Variants in ZC3H12C observed in about 807,000 individuals in gnomAD.
The protein encoded by ZC3H12C is probable ribonuclease ZC3H12C.
A neutral mutation model predicts 76.3 loss-of-function variants in ZC3H12C; 20 were observed. The observed-to-expected ratio is 0.26, with a 90% CI of 0.18 to 0.38. The LOEUF (loss-of-function observed/expected upper bound fraction) is 0.38, where lower values mean the gene tolerates loss of function less well. Ranked by LOEUF, ZC3H12C falls within the 10% of genes least tolerant of loss-of-function variation. The pLI, the probability that ZC3H12C is intolerant of heterozygous loss-of-function variation, is 1.00. For synonymous variants in ZC3H12C, 352 were observed against 399.6 expected, an observed-to-expected ratio of 0.88 and a Z score of 1.42; for missense variants, 874 against 1,086.5, an observed-to-expected ratio of 0.80 and a Z score of 2.75.
chr11:110,163,182 C>T, intron 4 of ZC3H12C, 91 bp from the exon 5 acceptor site: 2 of 1,125,142 alleles, frequency 1.8e-6, no homozygotes, highest in Admixed American at 3.0e-5. Flanking sequence ...AAAAAAAATT[C>T]CTTATAGAGG....
chr11:110,134,856 A>G (rs682668), intron 1 of ZC3H12C, among the ~76,000 whole-genome samples: 72,997 of 151,854 alleles, frequency 0.48, 17,848 homozygotes, highest in East Asian at 0.71. Context: ...TCTACACTGA[A>G]GGAATGTTAA....
chr11:110,165,268 C>T lies in ZC3H12C; in HGVS notation c.2183C>T (p.Pro728Leu), dbSNP rs1244021943. The change falls in exon 6 of 6, where the codon CCT becomes CTT. Residue 728 changes from proline (P) to leucine (L), a missense_variant. Pro to Leu is a moderately conservative substitution (Grantham distance 98). Around this residue, in one of 3 missense-constraint regions of ZC3H12C, gnomAD observed 395 missense variants for 434.4 expected, o/e 0.91. Coordinates refer to ENST00000278590, the MANE Select transcript of ZC3H12C (RefSeq NM_033390.2). ...RSSCPGDYPS[P>L]PSSAHSKAPH... Reference sequence around the variant, plus strand: ...AGCTGTCCTGGCGACTACCCCTCTCCTCCAAGTTCAGCACACTCTAAGGCA... The same window carrying T: ...AGCTGTCCTGGCGACTACCCCTCTCTTCCAAGTTCAGCACACTCTAAGGCA... The T allele has an allele frequency of 2.5e-6, 4 of 1,613,922 alleles. No individual in the cohort carries two copies. The highest frequency in any genetic ancestry group is 3.4e-6 in the Non-Finnish European group (4 of 1,179,902).
intron 1 of ZC3H12C, among the ~76,000 whole-genome samples, chr11:110,113,249 T>C (rs1279469905): frequency 6.6e-6 from 1 of 152,222 alleles, no homozygotes; most frequent in Non-Finnish European, 1.5e-5. Context: ...ATCTTTTTTT[T>C]CTACAACCTC....
In ZC3H12C at chr11:110,165,672, C is replaced by G; in HGVS notation, c.2587C>G (p.His863Asp). Reference sequence around the variant, plus strand: ...GAGAATTGTCATGAAAAGGAATCCTCACATGACAGACGCCCAGCAGCTCGC... The same window carrying G: ...GAGAATTGTCATGAAAAGGAATCCTGACATGACAGACGCCCAGCAGCTCGC... ...LVRIVMKRNP[H>D]MTDAQQLAAA... Residue 863 changes from histidine (H) to aspartate (D), a missense_variant, in exon 6 of 6, where the codon CAC becomes GAC. Coordinates refer to ENST00000278590, the MANE Select transcript of ZC3H12C (RefSeq NM_033390.2). The G allele has an allele frequency of 6.3e-7, 1 of 1,598,056 alleles. No homozygotes were observed. The highest frequency in any genetic ancestry group is 1.1e-5 in the South Asian group (1 of 88,146).
intron 1 of ZC3H12C, among the ~76,000 whole-genome samples, chr11:110,093,761 T>C (rs1307824322): frequency 6.6e-6 from 1 of 151,944 alleles, no homozygotes; most frequent in Non-Finnish European, 1.5e-5. Context: ...CCCGGGGGCA[T>C]AGATCGCGAA....
At chr11:110,107,844 G>T (rs991380551) in intron 1 of ZC3H12C, among the ~76,000 whole-genome samples, 1 of 151,656 alleles carries the variant, frequency 6.6e-6, no homozygotes, top group Non-Finnish European at 1.5e-5. Context: ...TCCATTTTTT[G>T]TAGAGACAAG....
At chr11:110,160,922 C>T (rs1862468138) in intron 4 of ZC3H12C, among the ~76,000 whole-genome samples, 2 of 152,194 alleles carry the variant, frequency 1.3e-5, no homozygotes, top group East Asian at 3.9e-4. Context: ...CTGCAACCTC[C>T]GTCTCCCAGG....
chr11:110,103,104 TC>T (rs1463023512), intron 1 of ZC3H12C, among the ~76,000 whole-genome samples: 1 of 152,190 alleles, frequency 6.6e-6, no homozygotes, highest in Non-Finnish European at 1.5e-5. Context: ...CCACAATATT[TC>T]CAAGGTATGC....
At position 110,166,154 on chromosome 11, in the gene ZC3H12C, G is replaced by C. The variant is rs1037100651; in HGVS notation, c.*417G>C. ...CTTCAGAATGTGGGACATTTGACTAGACCTAGCAAACTGTTTTTTCGAGCC... is the reference window on the plus strand; with the variant it reads ...CTTCAGAATGTGGGACATTTGACTACACCTAGCAAACTGTTTTTTCGAGCC... On this transcript the variant is annotated 3_prime_UTR_variant, in exon 6 of 6. Coordinates refer to ENST00000278590, the MANE Select transcript of ZC3H12C (RefSeq NM_033390.2). The C allele has an allele frequency of 1.3e-5, 2 of 159,104 alleles. No individual in the cohort carries two copies. Among genetic ancestry groups the C allele is most frequent in the Admixed American group, 6.1e-5 (1 of 16,268 alleles). 9.9% of individuals were successfully genotyped at this position (159,104 alleles called of 1,614,324 possible).
At chr11:110,129,317 CAAT>C (rs1005589114) in intron 1 of ZC3H12C, among the ~76,000 whole-genome samples, 2 of 152,042 alleles carry the variant, frequency 1.3e-5, no homozygotes, top group Admixed American at 6.6e-5. Flanking sequence ...TTTCTGGAAA[CAAT>C]AATAATTTTC....
chr11:110,136,502 G>A (rs1861961171), intron 1 of ZC3H12C, 161 bp from the exon 2 acceptor site: 5 of 699,274 alleles, frequency 7.2e-6, no homozygotes, highest in South Asian at 2.3e-5. Flanking sequence ...TCTGAAAAAT[G>A]GCAGATGATA....
intron 1 of ZC3H12C, chr11:110,135,818 G>T (rs1399090551): frequency 6.6e-6 from 1 of 151,912 alleles, no homozygotes; most frequent in Non-Finnish European, 1.5e-5. Flanking sequence ...ATTGTTTGCT[G>T]CTAATTTTAT....
intron 1 of ZC3H12C, among the ~76,000 whole-genome samples, chr11:110,119,947 TTCAGA>T (rs1288681604): frequency 6.6e-6 from 1 of 152,234 alleles, no homozygotes; most frequent in Non-Finnish European, 1.5e-5. Context: ...GACACCAACA[TTCAGA>T]TCATAGCCCT....
chr11:110,112,589 G>T (rs1424713885), intron 1 of ZC3H12C, among the ~76,000 whole-genome samples: 2 of 152,182 alleles, frequency 1.3e-5, no homozygotes, highest in Non-Finnish European at 2.9e-5. Context: ...CGCTGAGAAG[G>T]GTTAAAGAAG....
At chr11:110,110,876 G>T (rs1008257099) in intron 1 of ZC3H12C, among the ~76,000 whole-genome samples, 5 of 152,180 alleles carry the variant, frequency 3.3e-5, no homozygotes, top group African/African-American at 1.2e-4. Flanking sequence ...TAGCTTCAGA[G>T]TGTAAGTAGT....
In ZC3H12C at chr11:110,171,221, AT is replaced by A. The variant is rs1187998097; in HGVS notation, c.*5486del. The A allele has an allele frequency of 1.3e-5, 2 of 152,200 alleles. No homozygotes were observed. Among genetic ancestry groups the A allele is most frequent in the Admixed American group, 1.3e-4 (2 of 15,268 alleles). The allele number at this position is 152,200 out of a possible 1,614,324, so 9.4% of individuals were successfully genotyped here. On this transcript the variant is annotated 3_prime_UTR_variant, in exon 6 of 6. Coordinates refer to ENST00000278590, the MANE Select transcript of ZC3H12C (RefSeq NM_033390.2). Reference sequence around the variant, plus strand: ...GTTTTTATGAAGAATAGGTGTTCAGATTCCTTCAGTTTTTTTGAAATTAGAA... The same window carrying A: ...GTTTTTATGAAGAATAGGTGTTCAGATCCTTCAGTTTTTTTGAAATTAGAA...
intron 1 of ZC3H12C, among the ~76,000 whole-genome samples, chr11:110,110,601 A>T (rs1022559834): frequency 3.3e-5 from 5 of 152,190 alleles, no homozygotes; most frequent in Non-Finnish European, 7.3e-5. Flanking sequence ...TTGAGAATGG[A>T]GAAGGGTGGC....
At chr11:110,148,571 C>T (rs370313554) in intron 2 of ZC3H12C, among the ~76,000 whole-genome samples, 4 of 152,136 alleles carry the variant, frequency 2.6e-5, no homozygotes, top group African/African-American at 9.7e-5. Flanking sequence ...GACCTAATCA[C>T]GGGTGACCAC....
rs1227880500 is a variant in ZC3H12C at position 110,169,764 on chromosome 11, T to G, written c.*4027T>G. The G allele has an allele frequency of 6.6e-6, 1 of 152,194 alleles. No homozygotes were observed. Among genetic ancestry groups the G allele is most frequent in the Non-Finnish European group, 1.5e-5 (1 of 68,014 alleles). 9.4% of individuals were successfully genotyped at this position (152,194 alleles called of 1,614,324 possible). A position where few individuals can be genotyped will look rare whatever the true frequency, so the allele number is the denominator to read the frequency against. ...TAGTGTTAATAAAAGTAAAGAAACATACACTATCTTAGCCCCCTAGGGCAG... is the reference window on the plus strand; with the variant it reads ...TAGTGTTAATAAAAGTAAAGAAACAGACACTATCTTAGCCCCCTAGGGCAG... On this transcript the variant is annotated 3_prime_UTR_variant, in exon 6 of 6. Coordinates refer to ENST00000278590, the MANE Select transcript of ZC3H12C (RefSeq NM_033390.2).
Sources: allele counts gnomAD v4.1 joint callset (sites outside exome capture counted in the v4.1 genomes callset), GRCh38; gene constraint gnomAD v4.1.1; regional missense constraint gnomAD v4.1.1; transcripts MANE v1.5; gene names NCBI Gene and HGNC (gene_info 2026-07-23, HGNC 2026-07-21).